The following ZNF18 variants were observed in gnomAD, a reference collection of about 807,000 sequenced individuals.
ZNF18 encodes zinc finger protein 18.
Under a neutral mutation model 58.1 loss-of-function variants are expected in ZNF18, and 42 were observed. That is an observed-to-expected ratio of 0.72 (90% CI 0.56 to 0.93). The LOEUF (loss-of-function observed/expected upper bound fraction) is 0.93, where lower values mean the gene tolerates loss of function less well. Ranked by LOEUF, ZNF18 falls within the 40% of genes least tolerant of loss-of-function variation. The pLI, the probability that ZNF18 is intolerant of heterozygous loss-of-function variation, is 0.00. For synonymous variants in ZNF18, 231 were observed against 239.8 expected, an observed-to-expected ratio of 0.96 and a Z score of 0.34; for missense variants, 540 against 644.2, an observed-to-expected ratio of 0.84 and a Z score of 1.75.
At chr17:11,979,586 T>C (rs189534601) in intron 6 of ZNF18, among the ~76,000 whole-genome samples, 71 of 152,316 alleles carry the variant, frequency 4.7e-4, no homozygotes, top group African/African-American at 1.4e-3. Context: ...ATGATGCAAA[T>C]AGAAAATTTT....
At chr17:11,994,351 A>C (rs985166344) in intron 1 of ZNF18, among the ~76,000 whole-genome samples, 4 of 152,210 alleles carry the variant, frequency 2.6e-5, no homozygotes, top group African/African-American at 9.7e-5. Flanking sequence ...AAGTCAAAAG[A>C]ATTACAGTTG....
At chr17:12,002,472 T>C (rs1278516243), upstream of ZNF18, 1 of 152,142 alleles carries the variant, frequency 6.6e-6, no homozygotes, top group Non-Finnish European at 1.5e-5. Context: ...CTAACATTGA[T>C]GAGAGTCAGA....
the ZNF18 span, among the ~76,000 whole-genome samples, chr17:12,011,774 C>G: frequency 2.8e-5 from 4 of 144,316 alleles, no homozygotes; most frequent in Non-Finnish European, 6.0e-5. Flanking sequence ...GATCTTGGCT[C>G]ACTTCCACCT....
At chr17:12,000,807 G>A (rs543316008), upstream of ZNF18, among the ~76,000 whole-genome samples, 1 of 152,288 alleles carries the variant, frequency 6.6e-6, no homozygotes, top group South Asian at 2.1e-4. Flanking sequence ...TGAGCAACAG[G>A]AGTATAAAAT....
intron 1 of ZNF18, chr17:11,996,992 CATTGGATATGT>C (rs1968509576): frequency 6.6e-6 from 1 of 152,268 alleles, no homozygotes; most frequent in Non-Finnish European, 1.5e-5. Context: ...CAGCGCTGCT[CATTGGATATGT>C]ATTCTCCACC....
rs143395965 is a variant in ZNF18 at position 11,992,990 on chromosome 17, C to T, written c.-82-79G>A. 30 of 814,660 alleles carry T rather than the reference C, an allele frequency of 3.7e-5. 1 individual carries two copies. The highest frequency in any genetic ancestry group is 3.3e-4 in the African/African-American group (19 of 57,830). 50.5% of individuals were successfully genotyped at this position (814,660 alleles called of 1,614,324 possible). A position where few individuals can be genotyped will look rare whatever the true frequency, so the allele number is the denominator to read the frequency against. ...AAAGAACAAATTCACATGCCCTACC[C>T]GAGAAGCCATGGGGTCAACTATGGA... On this transcript the variant is annotated intron_variant, in intron 1 of 6. Transcript: ENST00000580306.
chr17:12,012,122 C>A, the ZNF18 span, among the ~76,000 whole-genome samples: 2 of 152,186 alleles, frequency 1.3e-5, no homozygotes, highest in Non-Finnish European at 2.9e-5. Flanking sequence ...CACCCAGTTT[C>A]TCTCTTGAGA....
rs1967098810 is a variant in ZNF18 at position 11,978,044 on chromosome 17, T to C, written c.1563A>G (p.Lys521=). 1 of 1,613,478 alleles carries C rather than the reference T, an allele frequency of 6.2e-7. No individual in the cohort carries two copies. The highest frequency in any genetic ancestry group is 8.5e-7 in the Non-Finnish European group (1 of 1,179,830). Residue 521 remains lysine (K), a synonymous_variant, in exon 7 of 7, where the codon AAA becomes AAG. Coordinates refer to ENST00000580306, the MANE Select transcript of ZNF18 (RefSeq NM_001303281.2). ...QRVHTGEKPY[K]CSHCGKSFSW... ...TGAAACTTTTCCCACAGTGCGAACA[T>C]TTATAAGGTTTCTCTCCAGTGTGAA... is the stretch of plus-strand genomic sequence containing the variant.
chr17:12,003,796 G>A, the ZNF18 span, among the ~76,000 whole-genome samples: 7 of 152,168 alleles, frequency 4.6e-5, no homozygotes, highest in Non-Finnish European at 8.8e-5. Context: ...CTGGAGACAC[G>A]ACAAAGAAGT....
intron 4 of ZNF18, among the ~76,000 whole-genome samples, chr17:11,986,110 A>G (rs377548058): frequency 6.6e-6 from 1 of 152,210 alleles, no homozygotes; most frequent in South Asian, 2.1e-4. Flanking sequence ...ATCATAGTGA[A>G]TAAGATAACA....
At chr17:11,985,207 C>CT (rs1967659715) in intron 4 of ZNF18, among the ~76,000 whole-genome samples, 1 of 152,326 alleles carries the variant, frequency 6.6e-6, no homozygotes, top group Non-Finnish European at 1.5e-5. Context: ...AAACGACAGA[C>CT]TGGAGACTCA....
At chr17:12,004,605 T>C in the ZNF18 span, among the ~76,000 whole-genome samples, 6 of 152,190 alleles carry the variant, frequency 3.9e-5, no homozygotes, top group East Asian at 1.9e-4. Flanking sequence ...TGTGCGTTTA[T>C]GGCCGGGCAC....
chr17:11,990,512 G>T lies in ZNF18; in HGVS notation c.616C>A (p.Leu206Met), dbSNP rs368785851. Residue 206 changes from leucine to methionine, a missense_variant, in exon 4 of 7, where the codon CTG becomes ATG. Transcript: ENST00000580306. ...ASQPARLEER[L>M]IRDQDLGASL... ...GCTCCGAGGTCCTGGTCTCTGATCA[G>T]CCTTTCCTCCAGTCGGGCAGGCTGG... 8 of 1,612,540 alleles carry T rather than the reference G, an allele frequency of 5.0e-6. No homozygotes were observed. The highest frequency in any genetic ancestry group is 1.7e-4 in the Middle Eastern group (1 of 5,918).
Position 11,992,709 on chromosome 17 carries a change from G to A in ZNF18, c.121C>T (p.Arg41Cys), listed in dbSNP as rs747075784. Residue 41 changes from arginine (R) to cysteine (C), a missense_variant, in exon 2 of 7, where the codon CGC becomes TGC. Physicochemically the swap from Arg to Cys is radical, Grantham distance 180. Coordinates refer to ENST00000580306, the MANE Select transcript of ZNF18 (RefSeq NM_001303281.2). ...TAACGGAACTGCCTGAAAAGCTGGC[G>A]TGCGGTCTCAGGGCTGGAGAGTTCC... Reference protein sequence around the residue: ...QEELSSPETARQLFRQFRYQV... With the variant: ...QEELSSPETACQLFRQFRYQV... The A allele has an allele frequency of 5.0e-6, 8 of 1,614,248 alleles. No individual in the cohort carries two copies. Among genetic ancestry groups the A allele is most frequent in the Non-Finnish European group, 6.8e-6 (8 of 1,180,050 alleles).
In ZNF18 at chr17:11,992,733, C is replaced by G; in HGVS notation, c.97G>C (p.Glu33Gln). The G allele has an allele frequency of 6.2e-7, 1 of 1,614,236 alleles. No homozygotes were observed. The highest frequency in any genetic ancestry group is 8.5e-7 in the Non-Finnish European group (1 of 1,180,058). Residue 33 changes from glutamate (E) to glutamine (Q), a missense_variant, in exon 2 of 7, where the codon GAA becomes CAA. Physicochemically the swap from Glu to Gln is conservative, Grantham distance 29. Transcript: ENST00000580306. The part of the protein sequence containing the change: ...FSESDAALQE[E>Q]LSSPETARQL... ...CGTGCGGTCTCAGGGCTGGAGAGTT[C>G]CTCTTGAAGGGCAGCATCTGATTCT...
intron 5 of ZNF18, 116 bp downstream of exon 5, chr17:11,983,997 G>A (rs553361810): frequency 2.0e-5 from 18 of 878,300 alleles, no homozygotes; most frequent in Non-Finnish European, 3.1e-5. Flanking sequence ...TGTCCCTAAC[G>A]ATTTCTTTCA....
At chr17:12,011,789 C>T in the ZNF18 span, among the ~76,000 whole-genome samples, 29 of 151,248 alleles carry the variant, frequency 1.9e-4, no homozygotes, top group Middle Eastern at 3.5e-3. Context: ...CCACCTCTGC[C>T]TCCCAAGTTC....
chr17:11,987,278 A>G (rs1967812402), intron 4 of ZNF18, among the ~76,000 whole-genome samples: 2 of 152,216 alleles, frequency 1.3e-5, no homozygotes, highest in South Asian at 2.1e-4. Flanking sequence ...TGAGGTTCCA[A>G]CCGAGTCATG....
At chr17:11,996,426 G>T (rs1447960148) in intron 1 of ZNF18, among the ~76,000 whole-genome samples, 5 of 152,064 alleles carry the variant, frequency 3.3e-5, no homozygotes, top group Non-Finnish European at 7.4e-5. Flanking sequence ...TAAGAGAAAT[G>T]ACATTTTGGA....
Sources: allele counts gnomAD v4.1 joint callset (sites outside exome capture counted in the v4.1 genomes callset), GRCh38; gene constraint gnomAD v4.1.1; transcripts MANE v1.5; gene names NCBI Gene and HGNC (gene_info 2026-07-23, HGNC 2026-07-21).